Variants in HECW2 observed in about 807,000 individuals in gnomAD.
The protein encoded by HECW2 is HECT, C2 and WW domain containing E3 ubiquitin protein ligase 2, also known as E3 ubiquitin-protein ligase HECW2.
A neutral mutation model predicts 175.2 loss-of-function variants in HECW2; 61 were observed. The observed-to-expected ratio is 0.35, with a 90% CI of 0.28 to 0.43. The LOEUF (loss-of-function observed/expected upper bound fraction) is 0.43, where lower values mean the gene tolerates loss of function less well. Ranked by LOEUF, HECW2 falls within the 20% of genes least tolerant of loss-of-function variation. The pLI is 1.00. For missense variants in HECW2, 1,524 were observed against 2,000.5 expected, an observed-to-expected ratio of 0.76 and a Z score of 4.54; for synonymous variants, 671 against 731.0, an observed-to-expected ratio of 0.92 and a Z score of 1.32.
At chr2:196,517,372 A>G (rs1001403954) in intron 1 of HECW2, among the ~76,000 whole-genome samples, 1 of 152,240 alleles carries the variant, frequency 6.6e-6, no homozygotes, top group South Asian at 2.1e-4. Context: ...CTAAATTACC[A>G]TACAATAATG....
rs1686659321 is a variant in HECW2 at position 196,195,635 on chromosome 2, A to C, written c.*5642T>G. The C allele has an allele frequency of 6.6e-6, 1 of 152,248 alleles. No individual in the cohort carries two copies. Among genetic ancestry groups the C allele is most frequent in the African/African-American group, 2.4e-5 (1 of 41,478 alleles). The allele number at this position is 152,248 out of a possible 1,614,324, so 9.4% of individuals were successfully genotyped here. A position where few individuals can be genotyped will look rare whatever the true frequency, so the allele number is the denominator to read the frequency against. The stretch of plus-strand genomic sequence containing the variant: ...AACAGAGAGCATTTAAGTTATCTTT[A>C]GAAATCATGAAAATGTCTCAAATGC... On this transcript the variant is annotated 3_prime_UTR_variant, in exon 29 of 29. Transcript: ENST00000644978.
intron 2 of HECW2, among the ~76,000 whole-genome samples, chr2:196,352,417 G>A (rs958202954): frequency 2.6e-5 from 4 of 152,216 alleles, no homozygotes; most frequent in Non-Finnish European, 5.9e-5. Flanking sequence ...GAATATCTGT[G>A]CACTGAAAGG....
intron 1 of HECW2, among the ~76,000 whole-genome samples, chr2:196,545,912 T>C (rs1689405090): frequency 6.6e-6 from 1 of 152,224 alleles, no homozygotes; most frequent in Non-Finnish European, 1.5e-5. Flanking sequence ...CAGTGAATTC[T>C]GGCATCAAAA....
intron 2 of HECW2, among the ~76,000 whole-genome samples, chr2:196,367,876 T>G (rs13020862): frequency 1.3e-3 from 187 of 144,936 alleles, no homozygotes; most frequent in African/African-American, 2.4e-3. Context: ...GTGTGTGTGT[T>G]TGTGTGTGTG....
intron 1 of HECW2, among the ~76,000 whole-genome samples, chr2:196,553,859 A>G (rs902778378): frequency 4.6e-5 from 7 of 152,218 alleles, no homozygotes; most frequent in Non-Finnish European, 8.8e-5. Flanking sequence ...CAATCCACAC[A>G]AGCCTCAAAA....
At chr2:196,471,046 A>G (rs1188216493) in intron 1 of HECW2, among the ~76,000 whole-genome samples, 6 of 152,126 alleles carry the variant, frequency 3.9e-5, no homozygotes, top group Admixed American at 3.9e-4. Flanking sequence ...TACCAAGTGT[A>G]AACAAGGACA....
chr2:196,462,318 A>G (rs1275271939), intron 1 of HECW2, among the ~76,000 whole-genome samples: 1 of 152,198 alleles, frequency 6.6e-6, no homozygotes, highest in Non-Finnish European at 1.5e-5. Context: ...TGTGCAATAA[A>G]TTGACCTAAA....
intron 1 of HECW2, among the ~76,000 whole-genome samples, chr2:196,492,739 G>A (rs1477997758): frequency 6.6e-6 from 1 of 152,186 alleles, no homozygotes; most frequent in Non-Finnish European, 1.5e-5. Flanking sequence ...AATATCAGTA[G>A]TGGCAAGTAA....
intron 1 of HECW2, among the ~76,000 whole-genome samples, chr2:196,464,468 T>C (rs58319993): frequency 6.6e-6 from 1 of 152,314 alleles, no homozygotes; most frequent in East Asian, 1.9e-4. Flanking sequence ...TACAGGTTTT[T>C]GGTGACTAAG....
intron 1 of HECW2, among the ~76,000 whole-genome samples, chr2:196,546,841 A>G (rs1179337674): frequency 6.6e-6 from 1 of 152,054 alleles, no homozygotes; most frequent in African/African-American, 2.4e-5. Context: ...AAAAAGAGAG[A>G]AAGTAAAAAC....
chr2:196,318,634 G>A lies in HECW2; in HGVS notation c.2256C>T (p.Ser752=), dbSNP rs1487231346. 2.5e-6 allele frequency: 4 copies of A among 1,594,386 alleles called. No individual in the cohort carries two copies. The highest frequency in any genetic ancestry group is 3.4e-6 in the Non-Finnish European group (4 of 1,170,518). ...CAGCACTGCCTTCTTCTTGCGGTGG[G>A]CTCTCGGCAGCAGCTGCAGCTCCCT... The part of the protein sequence containing the change: ...SLEGAAAAAE[S]PPQEEGSAGE... The change falls in exon 9 of 29, where the codon AGC becomes AGT. Residue 752 remains serine (S), a synonymous_variant. Transcript: ENST00000644978.
chr2:196,536,720 C>A (rs1055621457), intron 1 of HECW2, among the ~76,000 whole-genome samples: 1 of 152,208 alleles, frequency 6.6e-6, no homozygotes, highest in Non-Finnish European at 1.5e-5. Context: ...ACTCTCTGGA[C>A]TAGGGGCTGA....
chr2:196,405,484 A>T (rs894437089), intron 2 of HECW2, among the ~76,000 whole-genome samples: 8 of 152,176 alleles, frequency 5.3e-5, no homozygotes, highest in Non-Finnish European at 2.9e-5. Context: ...TTTCAATGCC[A>T]CATCTACCAC....
chr2:196,282,156 C>T (rs1690212071), intron 14 of HECW2, among the ~76,000 whole-genome samples: 1 of 152,164 alleles, frequency 6.6e-6, no homozygotes, highest in Admixed American at 6.5e-5. Context: ...TGTTAACAGG[C>T]TCCTTGTAAG....
chr2:196,273,593 A>G (rs936573862), intron 16 of HECW2, among the ~76,000 whole-genome samples: 2 of 152,180 alleles, frequency 1.3e-5, no homozygotes, highest in African/African-American at 2.4e-5. Flanking sequence ...AAAGCCCTTA[A>G]GAATGTGCTC....
chr2:196,425,840 G>A (rs1695531477), intron 2 of HECW2, among the ~76,000 whole-genome samples: 1 of 152,132 alleles, frequency 6.6e-6, no homozygotes, highest in Admixed American at 6.5e-5. Context: ...ACTAGCAGCA[G>A]GGTTTGAAAA....
At chr2:196,510,864 GTGAGGACTA>G (rs1214218247) in intron 1 of HECW2, among the ~76,000 whole-genome samples, 1 of 152,128 alleles carries the variant, frequency 6.6e-6, no homozygotes, top group Non-Finnish European at 1.5e-5. Context: ...GCAATTAGTA[GTGAGGACTA>G]TGAGGACTAC....
At chr2:196,582,586 C>T (rs914351302) in intron 1 of HECW2, among the ~76,000 whole-genome samples, 5 of 152,124 alleles carry the variant, frequency 3.3e-5, no homozygotes, top group Admixed American at 6.5e-5. Context: ...CCTTCTTTTA[C>T]GTCTTTTTAT....
intron 1 of HECW2, among the ~76,000 whole-genome samples, chr2:196,593,014 G>A (rs1227683650): frequency 6.6e-6 from 1 of 151,692 alleles, no homozygotes; most frequent in Non-Finnish European, 1.5e-5. Flanking sequence ...CGCGAGAAGC[G>A]CCCGGAGAGA....
Sources: gnomAD v4.1 joint callset for allele counts (sites outside exome capture counted in the v4.1 genomes callset) on GRCh38, gnomAD v4.1.1 for gene constraint, MANE v1.5 for transcripts, NCBI Gene and HGNC (gene_info 2026-07-23, HGNC 2026-07-21) for gene names.